The following COL10A1 variants were observed in gnomAD, a reference collection of about 807,000 sequenced individuals.
COL10A1 encodes collagen type X alpha 1 chain.
A neutral mutation model predicts 18.2 loss-of-function variants in COL10A1; 10 were observed. The observed-to-expected ratio is 0.55, with a 90% CI of 0.34 to 0.93. The LOEUF is 0.93. Among genes scored for constraint, COL10A1 ranks in the 40% least tolerant of loss-of-function variants. COL10A1 has a pLI of 0.02. For missense variants in COL10A1, 897 were observed against 853.5 expected (o/e 1.05, Z -0.64); for synonymous variants, 330 against 316.6 (o/e 1.04, Z -0.45).
At chr6:116,204,560 G>GT in the COL10A1 span, among the ~76,000 whole-genome samples, 3 of 151,894 alleles carry the variant, frequency 2.0e-5, no homozygotes, top group East Asian at 5.8e-4. Context: ...AGCAAACTCA[G>GT]TGTAAATATT....
chr6:116,125,348 T>C lies in COL10A1; in HGVS notation c.145A>G (p.Lys49Glu), dbSNP rs751978834. The C allele has an allele frequency of 6.2e-7, 1 of 1,613,620 alleles. No homozygotes were observed. Among genetic ancestry groups the C allele is most frequent in the Non-Finnish European group, 8.5e-7 (1 of 1,179,730 alleles). Reference protein sequence around the residue: ...KTQFFIPYTIKSKGIAVRGEQ... With the variant: ...KTQFFIPYTIESKGIAVRGEQ... ...ATACAATTCAATTTACCTTTACTCT[T>C]TATGGTGTAGGGAATGAAGAACTGT... Residue 49 changes from lysine to glutamate, a missense_variant, in exon 2 of 3, where the codon AAG becomes GAG. Physicochemically the swap from Lys to Glu is moderately conservative, Grantham distance 56 (BLOSUM62 1). Transcript: ENST00000651968.
chr6:116,160,854 G>T (rs1370136098), upstream of COL10A1, among the ~76,000 whole-genome samples: 1 of 152,020 alleles, frequency 6.6e-6, no homozygotes, highest in Non-Finnish European at 1.5e-5. Flanking sequence ...TATACCCAAA[G>T]GACTATAAAT....
upstream of COL10A1, among the ~76,000 whole-genome samples, chr6:116,159,997 T>C (rs1023834543): frequency 6.6e-6 from 1 of 152,226 alleles, no homozygotes; most frequent in Admixed American, 6.5e-5. Context: ...TACCACATTT[T>C]TTTTATTCCA....
At chr6:116,208,423 T>C in the COL10A1 span, among the ~76,000 whole-genome samples, 1 of 152,024 alleles carries the variant, frequency 6.6e-6, no homozygotes, top group Non-Finnish European at 1.5e-5. Context: ...ACAGTGTATC[T>C]CTTTGAAGCT....
chr6:116,212,457 T>C, the COL10A1 span, among the ~76,000 whole-genome samples: 3 of 152,122 alleles, frequency 2.0e-5, no homozygotes, highest in African/African-American at 7.2e-5. Context: ...GTGATTATAA[T>C]CTTTATGTGT....
At chr6:116,134,815 T>C (rs772301417) in intron 1 of COL10A1, among the ~76,000 whole-genome samples, 2 of 152,132 alleles carry the variant, frequency 1.3e-5, no homozygotes, top group Non-Finnish European at 2.9e-5. Context: ...TTTCAGAGAT[T>C]TTTCAAAGAC....
the COL10A1 span, among the ~76,000 whole-genome samples, chr6:116,171,310 T>G: frequency 1.3e-5 from 2 of 152,228 alleles, no homozygotes; most frequent in African/African-American, 4.8e-5. Flanking sequence ...ATGTGGTTTT[T>G]GCTTTGACTA....
chr6:116,172,088 T>C, the COL10A1 span, among the ~76,000 whole-genome samples: 1 of 152,210 alleles, frequency 6.6e-6, no homozygotes, highest in Non-Finnish European at 1.5e-5. Flanking sequence ...GTTTTTTCCA[T>C]CTGTAAGTCA....
chr6:116,204,030 A>AG, the COL10A1 span, among the ~76,000 whole-genome samples: 1 of 151,792 alleles, frequency 6.6e-6, no homozygotes, highest in Non-Finnish European at 1.5e-5. Context: ...CTGAAAAAAA[A>AG]CCCTCGAAGG....
At chr6:116,136,885 C>G (rs1779620669) in intron 1 of COL10A1, among the ~76,000 whole-genome samples, 1 of 152,146 alleles carries the variant, frequency 6.6e-6, no homozygotes, top group Admixed American at 6.5e-5. Context: ...TGAGCCATTT[C>G]TGTACAAGAA....
At chr6:116,148,569 A>G (rs1779953573) in intron 1 of COL10A1, among the ~76,000 whole-genome samples, 1 of 152,210 alleles carries the variant, frequency 6.6e-6, no homozygotes, top group African/African-American at 2.4e-5. Context: ...ATGTTAATTA[A>G]TAGAAGTATT....
intron 1 of COL10A1, among the ~76,000 whole-genome samples, chr6:116,136,602 T>C (rs1017715021): frequency 6.6e-6 from 1 of 152,208 alleles, no homozygotes; most frequent in Non-Finnish European, 1.5e-5. Context: ...TATAAATTGC[T>C]GTTATTATTT....
At position 116,123,734 on chromosome 6, in the gene COL10A1, A is replaced by G. The variant is rs75218034; in HGVS notation, c.154+1605T>C. ...AGTGTAGTTGAGTGTCTATCTAAAA[A>G]GAGACTAAGGTGGATTTAGTAGTTT... On this transcript the variant is annotated intron_variant, in intron 2 of 2. Transcript: ENST00000651968. 9.2e-5 allele frequency among the ~76,000 whole-genome samples: 14 copies of G among 152,366 alleles called. No homozygotes were observed. The East Asian group carries it at 2.7e-3, about 29-fold the overall frequency.
At chr6:116,210,338 A>G in the COL10A1 span, among the ~76,000 whole-genome samples, 52 of 151,700 alleles carry the variant, frequency 3.4e-4, no homozygotes, top group African/African-American at 1.2e-3. Flanking sequence ...ACAACCTCAA[A>G]CCCCTGAAAT....
chr6:116,205,256 A>C, the COL10A1 span, among the ~76,000 whole-genome samples: 136 of 152,058 alleles, frequency 8.9e-4, no homozygotes, highest in African/African-American at 3.2e-3. Flanking sequence ...TGGGCTGGAC[A>C]AGCTTGGTGT....
intron 1 of COL10A1, among the ~76,000 whole-genome samples, chr6:116,132,068 T>G (rs12205235): frequency 6.6e-6 from 1 of 152,036 alleles, no homozygotes; most frequent in Admixed American, 6.6e-5. Context: ...CTTTATCCAG[T>G]CTATCATTGA....
At position 116,119,881 on chromosome 6, in the gene COL10A1, A is replaced by G; in HGVS notation, c.*192T>C. On this transcript the variant is annotated 3_prime_UTR_variant, in exon 3 of 3. Transcript: ENST00000651968. Reference sequence around the variant, plus strand: ...AGATTGCTAACTAGAAATTCAAGAGAGGCTTCACATACGTTTTTACGTTGC... The same window carrying G: ...AGATTGCTAACTAGAAATTCAAGAGGGGCTTCACATACGTTTTTACGTTGC... 1.7e-6 allele frequency: 1 copy of G among 595,624 alleles called. No homozygotes were observed. Among genetic ancestry groups the G allele is most frequent in the South Asian group, 2.2e-5 (1 of 45,820 alleles). The allele number at this position is 595,624 out of a possible 1,614,324, so 36.9% of individuals were successfully genotyped here.
the COL10A1 span, among the ~76,000 whole-genome samples, chr6:116,190,596 G>A: frequency 1.3e-5 from 2 of 151,930 alleles, no homozygotes; most frequent in Non-Finnish European, 2.9e-5. Flanking sequence ...CAGTGGTTGT[G>A]GGGGTAAACA....
At chr6:116,143,646 T>C (rs977391934) in intron 1 of COL10A1, among the ~76,000 whole-genome samples, 12 of 152,224 alleles carry the variant, frequency 7.9e-5, no homozygotes, top group African/African-American at 2.7e-4. Flanking sequence ...TGCCATTTTT[T>C]ATTGCTGTTA....
Sources: allele counts gnomAD v4.1 joint callset (sites outside exome capture counted in the v4.1 genomes callset), GRCh38; gene constraint gnomAD v4.1.1; transcripts MANE v1.5; gene names NCBI Gene and HGNC (gene_info 2026-07-23, HGNC 2026-07-21).